The following GPLD1 variants were observed in gnomAD, a reference collection of about 807,000 sequenced individuals.
GPLD1 encodes phosphatidylinositol-glycan-specific phospholipase D.
Under a neutral mutation model 112.6 loss-of-function variants are expected in GPLD1, and 84 were observed. The observed-to-expected ratio is 0.75, with a 90% CI of 0.63 to 0.89. The LOEUF is 0.89. GPLD1 is among the 40% of genes least tolerant of loss of function. GPLD1 has a pLI of 0.00. For missense variants in GPLD1, 1,044 were observed against 1,051.5 expected (o/e 0.99, Z 0.10); for synonymous variants, 386 against 403.8 (o/e 0.96, Z 0.53).
chr6:24,494,289 T>G (rs11759284), upstream of GPLD1, among the ~76,000 whole-genome samples: 46,348 of 152,172 alleles, frequency 0.3, 8,638 homozygotes, highest in Non-Finnish European at 0.42. Flanking sequence ...GTGACTGGAC[T>G]AAGGTTAACC....
intron 17 of GPLD1, among the ~76,000 whole-genome samples, chr6:24,447,335 G>T (rs1007243089): frequency 6.6e-6 from 1 of 151,838 alleles, no homozygotes; most frequent in Non-Finnish European, 1.5e-5. Context: ...ATGAAACCCC[G>T]TCTCTACTAA....
At chr6:24,444,970 CAT>C (rs1762860296) in intron 20 of GPLD1, among the ~76,000 whole-genome samples, 1 of 152,112 alleles carries the variant, frequency 6.6e-6, no homozygotes, top group African/African-American at 2.4e-5. Flanking sequence ...AAGTTACTTT[CAT>C]ATGTCATTTT....
chr6:24,472,670 A>C (rs1200571219), intron 6 of GPLD1, 34 bp from the exon 7 acceptor site: 11 of 1,218,606 alleles, frequency 9.0e-6, no homozygotes, highest in Non-Finnish European at 1.2e-5. Context: ...CATTTGGTGG[A>C]TTAGTGACAA....
chr6:24,455,408 G>A (rs1037133919), intron 13 of GPLD1, among the ~76,000 whole-genome samples: 1 of 152,212 alleles, frequency 6.6e-6, no homozygotes, highest in Non-Finnish European at 1.5e-5. Flanking sequence ...AGGAAATTGT[G>A]CCAAGGAAAT....
chr6:24,470,125 GT>G (rs1011777772), intron 7 of GPLD1, among the ~76,000 whole-genome samples: 1 of 148,588 alleles, frequency 6.7e-6, no homozygotes, highest in South Asian at 2.2e-4. Flanking sequence ...AACCTGGACG[GT>G]TTTTTTTTTG....
intron 24 of GPLD1, among the ~76,000 whole-genome samples, chr6:24,430,942 T>TAC (rs1762381799): frequency 3.3e-5 from 5 of 152,238 alleles, no homozygotes; most frequent in Admixed American, 6.5e-5. Context: ...AGATTATATA[T>TAC]ACCACTACTC....
In GPLD1 at chr6:24,426,913, G is replaced by A. The variant is rs929831740; in HGVS notation, c.*2119C>T. 6.6e-6 allele frequency among the ~76,000 whole-genome samples: 1 copy of A among 152,168 alleles called. No homozygotes were observed. The highest frequency in any genetic ancestry group is 6.5e-5 in the Admixed American group (1 of 15,278). On this transcript the variant is annotated 3_prime_UTR_variant, in exon 25 of 25. Coordinates refer to ENST00000230036, the MANE Select transcript of GPLD1 (RefSeq NM_001503.4). ...ACATGTACCTCTTCCAGAAAAATGA[G>A]GTCATCCTGGGAGTGACCCAGAGAT... is the stretch of plus-strand genomic sequence containing the variant.
intron 14 of GPLD1, among the ~76,000 whole-genome samples, chr6:24,450,949 G>T (rs1019630454): frequency 9.2e-5 from 14 of 152,192 alleles, no homozygotes; most frequent in African/African-American, 3.4e-4. Flanking sequence ...TCCAGCCTGG[G>T]CAACAGAAGT....
At chr6:24,459,250 T>C (rs13215817) in intron 12 of GPLD1, among the ~76,000 whole-genome samples, 41,760 of 86,742 alleles carry the variant, frequency 0.48, 7,048 homozygotes, top group Middle Eastern at 0.57. Context: ...CTCCCTGCTA[T>C]TTTTTTTTTG....
intron 24 of GPLD1, among the ~76,000 whole-genome samples, chr6:24,432,200 C>A (rs1045120988): frequency 1.3e-5 from 2 of 148,272 alleles, no homozygotes; most frequent in African/African-American, 5.0e-5. Context: ...TGAGCCAAGA[C>A]CACACCATTG....
intron 11 of GPLD1, among the ~76,000 whole-genome samples, chr6:24,461,661 C>T (rs1198421423): frequency 6.6e-6 from 1 of 152,122 alleles, no homozygotes; most frequent in East Asian, 1.9e-4. Flanking sequence ...CTCCTGTGCC[C>T]AGGCCAGGAC....
upstream of GPLD1, among the ~76,000 whole-genome samples, chr6:24,491,826 A>T (rs1355325380): frequency 6.6e-6 from 1 of 152,232 alleles, no homozygotes; most frequent in Non-Finnish European, 1.5e-5. Flanking sequence ...ATAAAATAAG[A>T]GGAAATTATT....
chr6:24,480,076 A>C, intron 2 of GPLD1, 117 bp from the exon 3 acceptor site: 1 of 656,010 alleles, frequency 1.5e-6, no homozygotes. Context: ...ATGGAATGAA[A>C]GGGAAAAAGG....
rs1762252683 is a variant in GPLD1, at chr6:24,426,804, T to G, written c.*2228A>C. Reference sequence around the variant, plus strand: ...ATTAAAAGTAATTCTTCAGATAGGTTGGGCTACCAATAATTGTCCCTAAAC... The same window carrying G: ...ATTAAAAGTAATTCTTCAGATAGGTGGGGCTACCAATAATTGTCCCTAAAC... On this transcript the variant is annotated 3_prime_UTR_variant, in exon 25 of 25. Coordinates refer to ENST00000230036, the MANE Select transcript of GPLD1 (RefSeq NM_001503.4). Among the ~76,000 whole-genome samples, 1 of 152,228 alleles carries G rather than the reference T, an allele frequency of 6.6e-6. No individual in the cohort carries two copies. Among genetic ancestry groups the G allele is most frequent in the Non-Finnish European group, 1.5e-5 (1 of 68,032 alleles).
exon 1 of GPLD1, chr6:24,495,092 C>T: frequency 7.6e-7 from 1 of 1,320,956 alleles, no homozygotes. Context: ...GCGGCCTGGT[C>T]CCTGCCTCCG....
At chr6:24,462,940 G>C (rs1160402845) in intron 10 of GPLD1, 145 bp from the exon 11 acceptor site, 1 of 618,672 alleles carries the variant, frequency 1.6e-6, no homozygotes, top group African/African-American at 1.8e-5. Context: ...AAGAGCCCAT[G>C]TTCTCCCAGA....
intron 2 of GPLD1, among the ~76,000 whole-genome samples, 178 bp from the exon 3 acceptor site, chr6:24,480,137 A>G (rs1488025068): frequency 6.6e-6 from 1 of 152,238 alleles, no homozygotes; most frequent in African/African-American, 2.4e-5. Context: ...CACATAATCC[A>G]AGACAAAACA....
At chr6:24,446,104 C>T (rs1581742504) in intron 18 of GPLD1, among the ~76,000 whole-genome samples, 1 of 147,486 alleles carries the variant, frequency 6.8e-6, no homozygotes, top group East Asian at 2.0e-4. Flanking sequence ...CTGTTATGGG[C>T]TCAGTGGTGG....
In GPLD1 at chr6:24,473,682, G is replaced by C; in HGVS notation, c.442-15C>G. The C allele has an allele frequency of 6.3e-7, 1 of 1,584,622 alleles. No individual in the cohort carries two copies. The highest frequency in any genetic ancestry group is 8.7e-7 in the Non-Finnish European group (1 of 1,154,476). ...TGAAAATCAATCTAAGAAAGAAAGAGAACCATCTGGTGTGTATTACAAATT... is the reference window on the plus strand; with the variant it reads ...TGAAAATCAATCTAAGAAAGAAAGACAACCATCTGGTGTGTATTACAAATT... On this transcript the variant is annotated splice_polypyrimidine_tract_variant and intron_variant, in intron 5 of 24. Coordinates refer to ENST00000230036, the MANE Select transcript of GPLD1 (RefSeq NM_001503.4).
Sources: allele counts gnomAD v4.1 joint callset (sites outside exome capture counted in the v4.1 genomes callset), GRCh38; gene constraint gnomAD v4.1.1; transcripts MANE v1.5; gene names NCBI Gene and HGNC (gene_info 2026-07-23, HGNC 2026-07-21).